The following FKBP15 variants were observed in gnomAD, a reference collection of about 807,000 sequenced individuals.
FKBP15 encodes FKBP prolyl isomerase family member 15.
Under a neutral mutation model 158.1 loss-of-function variants are expected in FKBP15, and 106 were observed. The ratio of observed to expected loss-of-function variants is 0.67; its 90% CI spans 0.57 to 0.79. The LOEUF (loss-of-function observed/expected upper bound fraction) is 0.79. Ranked by LOEUF, FKBP15 falls within the 30% of genes least tolerant of loss-of-function variation. The probability of loss-of-function intolerance (pLI) is 0.00; values close to 1 mark genes in which losing one functional copy is unlikely to be tolerated. For missense variants in FKBP15, 1,287 were observed against 1,479.1 expected, an observed-to-expected ratio of 0.87 and a Z score of 2.13; for synonymous variants, 547 against 548.6, an observed-to-expected ratio of 1.00 and a Z score of 0.04.
intron 1 of FKBP15, 141 bp from the exon 2 acceptor site, chr9:113,211,733 G>C (rs1831009987): frequency 2.2e-6 from 1 of 446,902 alleles, no homozygotes; most frequent in Non-Finnish European, 3.9e-6. Flanking sequence ...CTTCAAGCTA[G>C]GAAAGCTGAT....
intron 12 of FKBP15, among the ~76,000 whole-genome samples, chr9:113,189,891 T>C (rs1278382281): frequency 6.6e-6 from 1 of 152,230 alleles, no homozygotes; most frequent in African/African-American, 2.4e-5. Context: ...TATTGATCAA[T>C]ATCTTTAAAA....
rs1176280314 is a variant in FKBP15, at chr9:113,161,253, TG to T, written c.*4824del. On this transcript the variant is annotated 3_prime_UTR_variant, in exon 28 of 28. Coordinates refer to ENST00000238256, the MANE Select transcript of FKBP15 (RefSeq NM_015258.2). ...AGATTTGTGCAGCCTGCTGGGGGAG[TG>T]GGTGGGGTAATGGTACGTGGCTTCT... is the stretch of plus-strand genomic sequence containing the variant. 2 of 466,470 alleles carry T rather than the reference TG, an allele frequency of 4.3e-6. No homozygotes were observed. Among genetic ancestry groups the T allele is most frequent in the Non-Finnish European group, 3.8e-6 (1 of 263,468 alleles). The allele number at this position is 466,470 out of a possible 1,614,324, so 28.9% of individuals were successfully genotyped here.
rs1195338916 is a variant in FKBP15 at position 113,184,966 on chromosome 9, G to T, written c.1499-162C>A. On this transcript the variant is annotated intron_variant, in intron 15 of 27. Transcript: ENST00000238256. This position sits in a 1 kb window ranked among gnomAD's most constrained non-coding sequence, Gnocchi z 4.5. Reference sequence around the variant, plus strand: ...CTGTCAGGAGAAGATATATGGGAGAGAGTAGAGGCAAAAGGGCTTCAAAGT... The same window carrying T: ...CTGTCAGGAGAAGATATATGGGAGATAGTAGAGGCAAAAGGGCTTCAAAGT... Among the ~76,000 whole-genome samples, 2 of 152,232 alleles carry T rather than the reference G, an allele frequency of 1.3e-5. No homozygotes were observed. The highest frequency in any genetic ancestry group is 2.4e-5 in the African/African-American group (1 of 41,470).
chr9:113,197,307 A>C (rs1193686756), intron 8 of FKBP15, among the ~76,000 whole-genome samples: 1 of 152,178 alleles, frequency 6.6e-6, no homozygotes, highest in Non-Finnish European at 1.5e-5. Context: ...TACTTATCTT[A>C]GATGATGAGA....
At chr9:113,211,375 T>G in intron 2 of FKBP15, 102 bp downstream of exon 2, 3 of 809,384 alleles carry the variant, frequency 3.7e-6, no homozygotes, top group Non-Finnish European at 5.6e-6. Flanking sequence ...GCCAGGCTGG[T>G]CTCAAACTCC....
At chr9:113,197,562 G>C (rs1202634696) in intron 8 of FKBP15, among the ~76,000 whole-genome samples, 1 of 152,230 alleles carries the variant, frequency 6.6e-6, no homozygotes, top group South Asian at 2.1e-4. Context: ...CCAGCTACTC[G>C]GGAGGCTGAG....
chr9:113,197,347 A>G (rs984880459), intron 8 of FKBP15, among the ~76,000 whole-genome samples: 1 of 152,164 alleles, frequency 6.6e-6, no homozygotes, highest in African/African-American at 2.4e-5. Flanking sequence ...GAACAGCAGT[A>G]AGAGAGAAAG....
At chr9:113,202,457 A>G (rs1015119994) in intron 6 of FKBP15, 74 bp downstream of exon 6, 3 of 1,157,398 alleles carry the variant, frequency 2.6e-6, no homozygotes, top group African/African-American at 3.1e-5. Context: ...TGGGTTTTCT[A>G]TATGTTTCCC....
intron 14 of FKBP15, chr9:113,187,517 A>C (rs1033785088): frequency 1.0e-5 from 4 of 391,984 alleles, no homozygotes; most frequent in Non-Finnish European, 1.9e-5. Context: ...TCAACTGGAT[A>C]TGTGTGAAAA....
chr9:113,186,444 A>C (rs1830487914), intron 14 of FKBP15, 81 bp from the exon 15 acceptor site: 3 of 1,050,190 alleles, frequency 2.9e-6, no homozygotes, highest in Non-Finnish European at 4.3e-6. Context: ...TGGTGGAATA[A>C]AGTGGATGAG....
chr9:113,184,377 CTA>C lies in FKBP15; in HGVS notation c.1629_1630del (p.His543GlnfsTer10), dbSNP rs1564162505. ...AGGAATAAGCATGGAATTGCCAGCA[CTA>C]TGTTTCTGTAACTCTTCAACCTACA... is the stretch of plus-strand genomic sequence containing the variant. On this transcript the variant is annotated frameshift_variant, in exon 17 of 28. Transcript: ENST00000238256. LOFTEE classifies it high-confidence loss of function. The surrounding 1 kb of genome is among the most constrained non-coding windows in gnomAD (Gnocchi z 4.5). 1.9e-6 allele frequency: 3 copies of C among 1,605,500 alleles called. No individual in the cohort carries two copies. Among genetic ancestry groups the C allele is most frequent in the East Asian group, 4.5e-5 (2 of 44,764 alleles).
chr9:113,168,675 G>T, intron 26 of FKBP15, 119 bp from the exon 27 acceptor site: 1 of 819,018 alleles, frequency 1.2e-6, no homozygotes, highest in Non-Finnish European at 2.0e-6. Flanking sequence ...GACTGCTCAG[G>T]AATTCCTCCC....
intron 10 of FKBP15, 79 bp from the exon 11 acceptor site, chr9:113,193,628 T>A: frequency 8.1e-7 from 1 of 1,227,866 alleles, no homozygotes; most frequent in Non-Finnish European, 1.2e-6. Context: ...GATAAGCAAA[T>A]TGTTTTTTTA....
At chr9:113,170,925 A>C (rs1830196718) in intron 24 of FKBP15, among the ~76,000 whole-genome samples, 1 of 152,130 alleles carries the variant, frequency 6.6e-6, no homozygotes, top group African/African-American at 2.4e-5. Context: ...TCCCACTGTG[A>C]GCACCACTAG....
chr9:113,193,364 G>A (rs1227558288), intron 11 of FKBP15, 128 bp downstream of exon 11: 39 of 542,890 alleles, frequency 7.2e-5, no homozygotes, highest in Non-Finnish European at 1.0e-4. Context: ...AAGGAGAGAC[G>A]AGGTCTCACT....
Position 113,178,723 on chromosome 9 carries a change from T to C in FKBP15, c.1993A>G (p.Lys665Glu), listed in dbSNP as rs780936963. The change falls in exon 20 of 28, where the codon AAG becomes GAG. Residue 665 changes from lysine to glutamate, a missense_variant. Coordinates refer to ENST00000238256, the MANE Select transcript of FKBP15 (RefSeq NM_015258.2). Reference protein sequence around the residue: ...LQLKMTAHQKKETELQMQLTE... With the variant: ...LQLKMTAHQKEETELQMQLTE... ...AGCTGCATCTGCAGCTCTGTTTCCT[T>C]TTTTTGGTGAGCAGTCATTTTCAGC... The C allele has an allele frequency of 1.2e-6, 2 of 1,609,194 alleles. No individual in the cohort carries two copies. The highest frequency in any genetic ancestry group is 3.4e-5 in the Admixed American group (2 of 59,406).
In FKBP15 at chr9:113,196,963, G is replaced by A. The variant is rs778660881; in HGVS notation, c.833C>T (p.Ser278Leu). 6.2e-6 allele frequency: 10 copies of A among 1,613,780 alleles called. No homozygotes were observed. Among genetic ancestry groups the A allele is most frequent in the Admixed American group, 1.7e-5 (1 of 59,994 alleles). ...AACCTCCACCTCGAACACCAGGATCGAGTCCGTTGCTTGAGTCCAGCCTAT... is the reference window on the plus strand; with the variant it reads ...AACCTCCACCTCGAACACCAGGATCAAGTCCGTTGCTTGAGTCCAGCCTAT... Reference protein sequence around the residue: ...GVIGWTQATDSILVFEVEVRR... With the variant: ...GVIGWTQATDLILVFEVEVRR... Residue 278 changes from serine to leucine, a missense_variant, in exon 9 of 28, where the codon TCG becomes TTG. Ser to Leu is a moderately radical substitution (Grantham distance 145). Coordinates refer to ENST00000238256, the MANE Select transcript of FKBP15 (RefSeq NM_015258.2).
At chr9:113,192,319 T>C (rs1830588237) in intron 11 of FKBP15, among the ~76,000 whole-genome samples, 1 of 152,206 alleles carries the variant, frequency 6.6e-6, no homozygotes, top group Non-Finnish European at 1.5e-5. Context: ...GCAGAGATAT[T>C]AGCACCAATT....
chr9:113,182,363 T>C (rs937464535), intron 19 of FKBP15, among the ~76,000 whole-genome samples: 9 of 152,148 alleles, frequency 5.9e-5, no homozygotes, highest in South Asian at 2.1e-4. Context: ...TTTGAAAGGA[T>C]TGAAGTCAAA....
Sources: allele counts gnomAD v4.1 joint callset (sites outside exome capture counted in the v4.1 genomes callset), GRCh38; gene constraint gnomAD v4.1.1; non-coding constraint Gnocchi (gnomAD v3.1); transcripts MANE v1.5; gene names NCBI Gene and HGNC (gene_info 2026-07-23, HGNC 2026-07-21).